The following PPP1R9A variants were observed in gnomAD, a reference collection of about 807,000 sequenced individuals.
The protein encoded by PPP1R9A is neurabin-1.
Under a neutral mutation model 141.9 loss-of-function variants are expected in PPP1R9A, and 59 were observed. The observed-to-expected ratio is 0.42, with a 90% CI of 0.34 to 0.52. The LOEUF (loss-of-function observed/expected upper bound fraction) is 0.52. Among genes scored for constraint, PPP1R9A ranks in the 20% least tolerant of loss-of-function variants. The pLI, the probability that PPP1R9A is intolerant of heterozygous loss-of-function variation, is 0.10. For synonymous variants in PPP1R9A, 500 were observed against 569.7 expected (o/e 0.88, Z 1.74); for missense variants, 1,444 against 1,611.9 (o/e 0.90, Z 1.78).
rs1281047170 is a variant in PPP1R9A, at chr7:95,128,724, G to A, written c.1649+7892G>A. 2.0e-5 allele frequency among the ~76,000 whole-genome samples: 3 copies of A among 151,964 alleles called. No homozygotes were observed. The East Asian group carries it at 5.8e-4, about 29-fold the overall frequency. On this transcript the variant is annotated intron_variant, in intron 4 of 19. Coordinates refer to ENST00000433360, the MANE Select transcript of PPP1R9A (RefSeq NM_001166160.2). ...TCTGAGTAGCTGGAATTACAGGCAC[G>A]TGCCACCACGCCTGGCTAATTTTTG...
chr7:95,206,425 A>G (rs1226970132), intron 7 of PPP1R9A, among the ~76,000 whole-genome samples: 2 of 152,216 alleles, frequency 1.3e-5, no homozygotes, highest in African/African-American at 4.8e-5. Flanking sequence ...TTTATATATT[A>G]TCATTACATA....
chr7:94,963,453 C>A lies in PPP1R9A; in HGVS notation c.1395+51945C>A, dbSNP rs573596894. Among the ~76,000 whole-genome samples the A allele has an allele frequency of 3.6e-4, 55 of 152,212 alleles. 1 individual carries two copies. Among genetic ancestry groups the A allele is most frequent in the African/African-American group, 1.3e-3 (52 of 41,528 alleles). On this transcript the variant is annotated intron_variant, in intron 2 of 19. Transcript: ENST00000433360. Reference sequence around the variant, plus strand: ...ATTTTAGAAATTTCCATCACCCCATCCCTGGCTCACATTAGCCACAGGCAG... The same window carrying A: ...ATTTTAGAAATTTCCATCACCCCATACCTGGCTCACATTAGCCACAGGCAG...
At chr7:94,960,204 G>A (rs1034920564) in intron 2 of PPP1R9A, among the ~76,000 whole-genome samples, 3 of 140,410 alleles carry the variant, frequency 2.1e-5, no homozygotes, top group Non-Finnish European at 4.6e-5. Context: ...CTTCCTATCT[G>A]GCAGAAGCAC....
At chr7:95,204,190 G>A (rs1488937818) in intron 7 of PPP1R9A, among the ~76,000 whole-genome samples, 1 of 152,014 alleles carries the variant, frequency 6.6e-6, no homozygotes, top group Non-Finnish European at 1.5e-5. Context: ...GTATTTAGTT[G>A]CATGATTTAT....
chr7:95,181,203 A>G (rs1833696090), intron 5 of PPP1R9A, among the ~76,000 whole-genome samples: 1 of 145,878 alleles, frequency 6.9e-6, no homozygotes, highest in Admixed American at 7.1e-5. Flanking sequence ...TAGAATATAT[A>G]TAGAATATAT....
intron 4 of PPP1R9A, among the ~76,000 whole-genome samples, chr7:95,134,465 TCA>T (rs1825263880): frequency 1.3e-5 from 2 of 152,222 alleles, no homozygotes; most frequent in South Asian, 4.1e-4. Flanking sequence ...GCACATGTAT[TCA>T]CTCTTGTTGC....
Position 95,292,599 on chromosome 7 carries a change from G to A in PPP1R9A, c.*2296G>A, listed in dbSNP as rs1199837035. The A allele has an allele frequency of 6.6e-6, 1 of 152,106 alleles. No individual in the cohort carries two copies. Among genetic ancestry groups the A allele is most frequent in the Non-Finnish European group, 1.5e-5 (1 of 68,002 alleles). 9.4% of individuals were successfully genotyped at this position (152,106 alleles called of 1,614,324 possible). ...TTCTTTATAACTTTGTATATTGAAT[G>A]TTTAGATAAATGTCCAACTGACAAT... On this transcript the variant is annotated 3_prime_UTR_variant, in exon 20 of 20. Transcript: ENST00000433360.
chr7:95,271,373 G>T (rs114973312), intron 14 of PPP1R9A, among the ~76,000 whole-genome samples: 59 of 152,240 alleles, frequency 3.9e-4, no homozygotes, highest in African/African-American at 1.4e-3. Context: ...ACAGTGACAG[G>T]AAAGAATGAT....
At chr7:94,989,194 A>G (rs1240554360) in intron 2 of PPP1R9A, among the ~76,000 whole-genome samples, 1 of 152,014 alleles carries the variant, frequency 6.6e-6, no homozygotes, top group Non-Finnish European at 1.5e-5. Context: ...AACCCCACTG[A>G]CTTAGGGTTT....
At chr7:95,097,596 G>A (rs1323266972) in intron 2 of PPP1R9A, among the ~76,000 whole-genome samples, 1 of 152,158 alleles carries the variant, frequency 6.6e-6, no homozygotes, top group Non-Finnish European at 1.5e-5. Flanking sequence ...GTATACGTAT[G>A]TGTATATTTG....
chr7:95,082,062 C>T (rs1429904994), intron 2 of PPP1R9A, among the ~76,000 whole-genome samples: 1 of 152,110 alleles, frequency 6.6e-6, no homozygotes, highest in African/African-American at 2.4e-5. Flanking sequence ...TCTGGATAAC[C>T]CCACTCACAA....
intron 2 of PPP1R9A, among the ~76,000 whole-genome samples, chr7:95,077,920 A>G (rs1815108394): frequency 6.6e-6 from 1 of 151,532 alleles, no homozygotes. Context: ...ACTCTTACAA[A>G]TGGAGCTTTT....
intron 2 of PPP1R9A, among the ~76,000 whole-genome samples, chr7:95,082,731 T>C (rs1816048815): frequency 6.7e-6 from 1 of 149,160 alleles, no homozygotes; most frequent in Non-Finnish European, 1.5e-5. Context: ...TCCTGTCTCT[T>C]AAAAAAGAAA....
At chr7:95,227,454 T>C (rs1795298395) in intron 8 of PPP1R9A, among the ~76,000 whole-genome samples, 1 of 152,206 alleles carries the variant, frequency 6.6e-6, no homozygotes, top group Admixed American at 6.5e-5. Context: ...TCCATAAATA[T>C]TGTTTTAAGC....
At chr7:95,185,684 A>G (rs1301023244) in intron 5 of PPP1R9A, among the ~76,000 whole-genome samples, 2 of 152,154 alleles carry the variant, frequency 1.3e-5, no homozygotes, top group African/African-American at 2.4e-5. Flanking sequence ...TCTTTGATCC[A>G]TCTTGAATTG....
At chr7:95,080,727 C>G (rs1252570766) in intron 2 of PPP1R9A, among the ~76,000 whole-genome samples, 1 of 152,130 alleles carries the variant, frequency 6.6e-6, no homozygotes, top group African/African-American at 2.4e-5. Context: ...CATGTGTCCG[C>G]TGTTTCTCAA....
intron 4 of PPP1R9A, among the ~76,000 whole-genome samples, chr7:95,141,689 A>G (rs1194110009): frequency 6.6e-6 from 1 of 151,720 alleles, no homozygotes; most frequent in Non-Finnish European, 1.5e-5. Flanking sequence ...ATGTTGTAGC[A>G]TTTATCAGTA....
At chr7:95,169,345 T>C (rs896152808) in intron 5 of PPP1R9A, among the ~76,000 whole-genome samples, 2 of 151,808 alleles carry the variant, frequency 1.3e-5, no homozygotes, top group African/African-American at 4.8e-5. Flanking sequence ...GTTGATCTTA[T>C]AGAGGTAGAG....
chr7:95,111,467 C>A, intron 3 of PPP1R9A, 76 bp downstream of exon 3: 2 of 1,360,850 alleles, frequency 1.5e-6, no homozygotes, highest in Non-Finnish European at 2.0e-6. Context: ...AAAATGTAGC[C>A]TTTTTTCTAA....
Sources: allele counts gnomAD v4.1 joint callset (sites outside exome capture counted in the v4.1 genomes callset), GRCh38; gene constraint gnomAD v4.1.1; transcripts MANE v1.5; gene names NCBI Gene and HGNC (gene_info 2026-07-23, HGNC 2026-07-21).